SATB2: variants seen among roughly 807,000 people sequenced by gnomAD.
SATB2 encodes SATB homeobox 2.
SATB2 carries 1 observed loss-of-function variant against 73.4 expected under a neutral mutation model. The ratio of observed to expected loss-of-function variants is 0.01; its 90% CI spans 0.00 to 0.06. The LOEUF (loss-of-function observed/expected upper bound fraction) is 0.06, where lower values mean the gene tolerates loss of function less well. SATB2 is among the 10% of genes least tolerant of loss of function. The pLI is 1.00. For synonymous variants in SATB2, 397 were observed against 367.0 expected, an observed-to-expected ratio of 1.08 and a Z score of -0.93; for missense variants, 459 against 945.8, an observed-to-expected ratio of 0.49 and a Z score of 6.75.
intron 7 of SATB2, among the ~76,000 whole-genome samples, chr2:199,339,239 A>G (rs1688433091): frequency 6.6e-6 from 1 of 152,254 alleles, no homozygotes. Flanking sequence ...AGATAGTCTT[A>G]TATGTGCAAG....
In SATB2 at chr2:199,463,139, C is replaced by T. The variant is rs1045915287; in HGVS notation, c.-141+1697G>A. Among the ~76,000 whole-genome samples, 1 of 152,168 alleles carries T rather than the reference C, an allele frequency of 6.6e-6. No homozygotes were observed. The highest frequency in any genetic ancestry group is 2.1e-4 in the South Asian group (1 of 4,836). On this transcript the variant is annotated intron_variant, in intron 1 of 11. Transcript: ENST00000260926. This position sits in a 1 kb window ranked among gnomAD's most constrained non-coding sequence, Gnocchi z 6.4. ...CGGAGGGTCCTGCGGCCTGGAGCAC[C>T]ACCCTACCACACCAGGCAACGCCCC...
intron 9 of SATB2, 151 bp downstream of exon 9, chr2:199,323,652 A>G: frequency 1.1e-6 from 1 of 926,260 alleles, no homozygotes. Context: ...AATGGGAATA[A>G]AAGCAAACTA....
chr2:199,343,650 T>A (rs966071019), intron 7 of SATB2, among the ~76,000 whole-genome samples: 1 of 152,236 alleles, frequency 6.6e-6, no homozygotes, highest in Admixed American at 6.5e-5. Context: ...TTGATTAGGT[T>A]GGGCTTTATA....
At chr2:199,406,669 A>G (rs1433137340) in intron 3 of SATB2, among the ~76,000 whole-genome samples, 3 of 152,190 alleles carry the variant, frequency 2.0e-5, no homozygotes, top group Non-Finnish European at 4.4e-5. Context: ...ATGAAGCCAC[A>G]GGTTTCTCTG....
chr2:199,465,407 G>C (rs1235873206), upstream of SATB2, among the ~76,000 whole-genome samples: 7 of 152,182 alleles, frequency 4.6e-5, no homozygotes, highest in Non-Finnish European at 1.0e-4. Context: ...TTCCCTAATA[G>C]TTTGCATTTT....
At chr2:199,459,351 G>A (rs910432519), upstream of SATB2, among the ~76,000 whole-genome samples, 2 of 152,000 alleles carry the variant, frequency 1.3e-5, no homozygotes, top group Admixed American at 6.5e-5. This position sits in a 1 kb window ranked among gnomAD's most constrained non-coding sequence, Gnocchi z 4.2. Flanking sequence ...GCCCGACTCC[G>A]GCCGCGGTGC....
At chr2:199,437,540 TG>T (rs577998498) in intron 2 of SATB2, among the ~76,000 whole-genome samples, 102 of 152,334 alleles carry the variant, frequency 6.7e-4, no homozygotes, top group African/African-American at 2.3e-3. Context: ...TGGTTAGATG[TG>T]GTGATGAACA....
intron 3 of SATB2, among the ~76,000 whole-genome samples, chr2:199,421,008 C>T (rs1432801963): frequency 6.6e-6 from 1 of 152,084 alleles, no homozygotes; most frequent in African/African-American, 2.4e-5. Flanking sequence ...AACAAATACT[C>T]CTCTCTATCT....
chr2:199,337,505 A>T (rs949210979), intron 7 of SATB2, among the ~76,000 whole-genome samples: 1 of 152,212 alleles, frequency 6.6e-6, no homozygotes, highest in Non-Finnish European at 1.5e-5. Flanking sequence ...GCATTGTTCC[A>T]TGAAGGATTT....
intron 3 of SATB2, among the ~76,000 whole-genome samples, chr2:199,426,521 T>G (rs527689793): frequency 6.6e-6 from 1 of 152,038 alleles, no homozygotes; most frequent in African/African-American, 2.4e-5. Context: ...GGTCTCAAAC[T>G]CCTGAGCTCA....
intron 3 of SATB2, among the ~76,000 whole-genome samples, chr2:199,431,030 A>G (rs1176924510): frequency 6.6e-6 from 1 of 152,232 alleles, no homozygotes; most frequent in Admixed American, 6.5e-5. Context: ...TCTGCTTTAA[A>G]TGGATTTGCC....
chr2:199,309,047 T>A, intron 9 of SATB2, 90 bp from the exon 10 acceptor site: 1 of 1,059,572 alleles, frequency 9.4e-7, no homozygotes, highest in East Asian at 2.5e-5. Context: ...TCACAGTACA[T>A]CTTTTTCTGT....
chr2:199,379,758 G>T (rs1689713981), intron 5 of SATB2, among the ~76,000 whole-genome samples: 1 of 148,490 alleles, frequency 6.7e-6, no homozygotes, highest in Admixed American at 6.8e-5. Context: ...GAACTCCAAG[G>T]CTCAAGGAAT....
At chr2:199,276,749 C>T (rs1479817385) in intron 10 of SATB2, among the ~76,000 whole-genome samples, 1 of 614 alleles carries the variant, frequency 1.6e-3, no homozygotes, top group African/African-American at 2.0e-3. Context: ...TCCAGCATTA[C>T]CTTTTTCCCT....
chr2:199,282,648 G>A (rs925360867), intron 10 of SATB2, among the ~76,000 whole-genome samples: 1 of 152,084 alleles, frequency 6.6e-6, no homozygotes, highest in African/African-American at 2.4e-5. Flanking sequence ...GTCATAAGTA[G>A]GGTTTCAATT....
chr2:199,436,470 A>G (rs189763652), intron 2 of SATB2, among the ~76,000 whole-genome samples: 1 of 152,180 alleles, frequency 6.6e-6, no homozygotes, highest in Admixed American at 6.5e-5. Context: ...GGTCATTTAT[A>G]AAATAAAACA....
intron 8 of SATB2, among the ~76,000 whole-genome samples, chr2:199,328,274 C>T (rs1295136407): frequency 6.6e-6 from 1 of 152,178 alleles, no homozygotes; most frequent in East Asian, 1.9e-4. Flanking sequence ...TGGACGGTGG[C>T]TCACGCCTGT....
upstream of SATB2, chr2:199,459,681 C>A (rs1692424057): frequency 6.5e-6 from 1 of 152,848 alleles, no homozygotes; most frequent in Non-Finnish European, 1.5e-5. This position sits in a 1 kb window ranked among gnomAD's most constrained non-coding sequence, Gnocchi z 4.2. Flanking sequence ...CAGCAAGAGC[C>A]ACCGATCCCC....
intron 9 of SATB2, among the ~76,000 whole-genome samples, chr2:199,312,513 C>A (rs1687623309): frequency 6.6e-6 from 1 of 152,146 alleles, no homozygotes; most frequent in African/African-American, 2.4e-5. Flanking sequence ...CTGCTAAGTT[C>A]CTGGTCTGTC....
Sources: gnomAD v4.1 joint callset for allele counts (sites outside exome capture counted in the v4.1 genomes callset) on GRCh38, gnomAD v4.1.1 for gene constraint, Gnocchi (gnomAD v3.1) non-coding constraint, MANE v1.5 for transcripts, NCBI Gene and HGNC (gene_info 2026-07-23, HGNC 2026-07-21) for gene names.